The following MYO19 variants were observed in gnomAD, a reference collection of about 807,000 sequenced individuals.
MYO19 encodes myosin XIX, also known as unconventional myosin-XIX.
MYO19 carries 132 observed loss-of-function variants against 129.2 expected under a neutral mutation model. The ratio of observed to expected loss-of-function variants is 1.02; its 90% CI spans 0.89 to 1.18. The LOEUF is 1.18. MYO19 is among the 50% of genes most tolerant of loss of function. The pLI is 0.00. For missense variants in MYO19, 1,210 were observed against 1,216.7 expected (o/e 0.99, Z 0.08); for synonymous variants, 531 against 477.2 (o/e 1.11, Z -1.47).
Position 36,508,913 on chromosome 17 carries a change from G to A in MYO19, c.1231+149C>T, listed in dbSNP as rs2898663. 0.044 allele frequency: 29,691 copies of A among 677,034 alleles called. 1,184 individuals are homozygous for A. The highest frequency in any genetic ancestry group is 0.16 in the African/African-American group (8,888 of 56,434). 41.9% of individuals were successfully genotyped at this position (677,034 alleles called of 1,614,324 possible). ...AGATCTCACCCTATGCAGAGATCTCGCTCTATGCTGGCAGGCAGATGCAAG... is the reference window on the plus strand; with the variant it reads ...AGATCTCACCCTATGCAGAGATCTCACTCTATGCTGGCAGGCAGATGCAAG... On this transcript the variant is annotated intron_variant, in intron 14 of 25. Coordinates refer to ENST00000614623, the MANE Select transcript of MYO19 (RefSeq NM_001163735.2).
In MYO19 at chr17:36,510,804, A is replaced by G. The variant is rs901356846; in HGVS notation, c.1099T>C (p.Cys367Arg). The change falls in exon 13 of 26, where the codon TGC becomes CGC. Residue 367 changes from cysteine to arginine, a missense_variant. Cys to Arg is a radical substitution (Grantham distance 180). Coordinates refer to ENST00000614623, the MANE Select transcript of MYO19 (RefSeq NM_001163735.2). The stretch of plus-strand genomic sequence containing the variant: ...CGGGTGTCACACTCGGCTCGGGCGC[A>G]GGGCTTCCGGAACACCTGCTGCTGT... ...GRQQQVFRKPCARAECDTRRD... is the reference protein window; with the variant it reads ...GRQQQVFRKPRARAECDTRRD... The G allele has an allele frequency of 1.9e-6, 3 of 1,600,876 alleles. No individual in the cohort carries two copies. The African/African-American group carries it at 4.0e-5, about 21-fold the overall frequency.
intron 3 of MYO19, among the ~76,000 whole-genome samples, chr17:36,529,518 CT>C (rs2073697414): frequency 6.6e-6 from 1 of 152,170 alleles, no homozygotes; most frequent in African/African-American, 2.4e-5. Context: ...AATTTCAAAT[CT>C]CTCATAGAAA....
intron 20 of MYO19, 111 bp downstream of exon 20, chr17:36,503,839 T>C: frequency 1.1e-6 from 1 of 901,528 alleles, no homozygotes; most frequent in South Asian, 2.2e-5. Flanking sequence ...GACCAGCCTC[T>C]TTCTCTTCAT....
At chr17:36,537,263 A>G (rs1204276504), upstream of MYO19, 3 of 1,613,856 alleles carry the variant, frequency 1.9e-6, no homozygotes, top group East Asian at 6.7e-5. Context: ...CTACCTGGAA[A>G]ACTAGATTCC....
chr17:36,508,964 G>A, intron 14 of MYO19, 98 bp downstream of exon 14: 5 of 1,032,258 alleles, frequency 4.8e-6, no homozygotes, highest in Non-Finnish European at 7.4e-6. Flanking sequence ...GAAAGGAACT[G>A]CCCAGAGTCA....
rs116749396 is a variant in MYO19 at position 36,530,947 on chromosome 17, G to A, written c.12+1580C>T. Among the ~76,000 whole-genome samples the A allele has an allele frequency of 2.6e-3, 392 of 152,210 alleles. 1 individual carries two copies. The highest frequency in any genetic ancestry group is 9.0e-3 in the African/African-American group (374 of 41,536). ...TATTTATTTATTTATTTAAGAGACA[G>A]GGTCTCACGGCTGGGTGCGGTGGCT... On this transcript the variant is annotated intron_variant, in intron 3 of 25. Transcript: ENST00000614623.
chr17:36,534,944 G>C (rs1034021554), upstream of MYO19: 1 of 152,320 alleles, frequency 6.6e-6, no homozygotes, highest in Non-Finnish European at 1.5e-5. Context: ...GCACTGCTAA[G>C]TGGCCGGGGG....
At chr17:36,513,829 T>C (rs2072543166) in intron 9 of MYO19, 104 bp from the exon 10 acceptor site, 2 of 973,544 alleles carry the variant, frequency 2.1e-6, no homozygotes, top group Non-Finnish European at 1.5e-6. Context: ...GGTAGCAACA[T>C]CACAAGGCTC....
At chr17:36,516,087 C>G in intron 6 of MYO19, 97 bp from the exon 7 acceptor site, 1 of 1,385,166 alleles carries the variant, frequency 7.2e-7, no homozygotes, top group Non-Finnish European at 9.6e-7. Flanking sequence ...CTCTTCTCCA[C>G]CAGTGTGTTG....
chr17:36,505,497 G>GCGGGC, intron 18 of MYO19, 93 bp from the exon 19 acceptor site: 1 of 860,802 alleles, frequency 1.2e-6, no homozygotes, highest in South Asian at 1.6e-5. Context: ...AATGCCTCCA[G>GCGGGC]CGGGCCCTTC....
chr17:36,523,987 T>C (rs928057740), intron 6 of MYO19, among the ~76,000 whole-genome samples: 2 of 152,246 alleles, frequency 1.3e-5, no homozygotes, highest in Admixed American at 1.3e-4. Flanking sequence ...ACATTACTAT[T>C]TATTAAAAAT....
At chr17:36,512,196 AACACACACACACACACACACAC>A (rs57765074) in intron 11 of MYO19, among the ~76,000 whole-genome samples, 4 of 138,134 alleles carry the variant, frequency 2.9e-5, no homozygotes, top group East Asian at 2.1e-4. Context: ...ACTAAAAATA[AACACACACACACACACACACAC>A]ACACACACAC....
At chr17:36,538,602 G>A (rs773618514), upstream of MYO19, 7 of 1,595,228 alleles carry the variant, frequency 4.4e-6, no homozygotes, top group South Asian at 4.5e-5. Flanking sequence ...AGATAAGACT[G>A]TACAATTTTG....
chr17:36,498,933 T>C lies in MYO19; in HGVS notation c.2463+142A>G, dbSNP rs73276752. On this transcript the variant is annotated intron_variant, in intron 24 of 25. Transcript: ENST00000614623. ...GGTGTTACTGTGCCCACTGCATACA[T>C]GAGGAATATGAGGCTCAGAGAGGCT... is the stretch of plus-strand genomic sequence containing the variant. The C allele has an allele frequency of 1.4e-3, 903 of 658,558 alleles. 12 individuals carry two copies. The African/African-American group carries it at 0.015, about 11-fold the overall frequency. The allele number at this position is 658,558 out of a possible 1,614,324, so 40.8% of individuals were successfully genotyped here. A position where few individuals can be genotyped will look rare whatever the true frequency, so the allele number is the denominator to read the frequency against.
At chr17:36,513,169 C>G in intron 11 of MYO19, 1 of 1,414,532 alleles carries the variant, frequency 7.1e-7, no homozygotes, top group Admixed American at 3.0e-5. Context: ...CGGTACCTTG[C>G]TCTCTGCCCC....
intron 2 of MYO19, among the ~76,000 whole-genome samples, chr17:36,540,397 G>C (rs1344113336): frequency 6.8e-6 from 1 of 146,694 alleles, no homozygotes; most frequent in African/African-American, 2.5e-5. Flanking sequence ...TTGAGATGGA[G>C]TCTTGCTCTG....
chr17:36,502,366 G>A (rs947979890), intron 21 of MYO19, among the ~76,000 whole-genome samples: 3 of 152,154 alleles, frequency 2.0e-5, no homozygotes, highest in African/African-American at 7.2e-5. Context: ...CAGCCTCCCT[G>A]AACCTCTTTT....
At chr17:36,511,243 T>G in intron 12 of MYO19, 122 bp downstream of exon 12, 1 of 1,038,046 alleles carries the variant, frequency 9.6e-7, no homozygotes, top group Non-Finnish European at 1.4e-6. Context: ...CCAGGCCCTA[T>G]GGTGGGTGGC....
chr17:36,509,229 G>T, intron 13 of MYO19, 94 bp from the exon 14 acceptor site: 17 of 1,076,854 alleles, frequency 1.6e-5, no homozygotes, highest in Non-Finnish European at 2.3e-5. Flanking sequence ...TACACCCTGG[G>T]GGGCCCTTGT....
Sources: allele counts gnomAD v4.1 joint callset (sites outside exome capture counted in the v4.1 genomes callset), GRCh38; gene constraint gnomAD v4.1.1; transcripts MANE v1.5; gene names NCBI Gene and HGNC (gene_info 2026-07-23, HGNC 2026-07-21).